KCNQ1: variants seen among roughly 807,000 people sequenced by gnomAD.
The protein encoded by KCNQ1 is potassium voltage-gated channel subfamily KQT member 1.
KCNQ1 carries 49 observed loss-of-function variants against 72.4 expected under a neutral mutation model. That is an observed-to-expected ratio of 0.68 (90% CI 0.54 to 0.86). The LOEUF is 0.86. Among genes scored for constraint, KCNQ1 ranks in the 40% least tolerant of loss-of-function variants. The pLI is 0.00. For missense variants in KCNQ1, 790 were observed against 945.1 expected (o/e 0.84, Z 2.15); for synonymous variants, 450 against 412.6 (o/e 1.09, Z -1.10).
At position 2,653,994 on chromosome 11, in the gene KCNQ1, G is replaced by A. The variant is rs1849797402; in HGVS notation, c.1394-7967G>A. 1 of 398,668 alleles carries A rather than the reference G, an allele frequency of 2.5e-6. No individual in the cohort carries two copies. The highest frequency in any genetic ancestry group is 4.4e-6 in the Non-Finnish European group (1 of 226,080). 24.7% of individuals were successfully genotyped at this position (398,668 alleles called of 1,614,324 possible). Reference sequence around the variant, plus strand: ...AAGGTATTTTCCTAAGCGGAACTGGGTGCCAGCTGTGAATATACATTTTCA... The same window carrying A: ...AAGGTATTTTCCTAAGCGGAACTGGATGCCAGCTGTGAATATACATTTTCA... On this transcript the variant is annotated intron_variant, in intron 10 of 15. Transcript: ENST00000155840. The surrounding 1 kb of genome is among the most constrained non-coding windows in gnomAD (Gnocchi z 5.3).
At chr11:2,792,363 G>T (rs1240079880) in intron 15 of KCNQ1, among the ~76,000 whole-genome samples, 7 of 152,214 alleles carry the variant, frequency 4.6e-5, no homozygotes, top group African/African-American at 1.4e-4. Flanking sequence ...TGGGGTGTGT[G>T]CCCACAAGTC....
chr11:2,540,046 G>T (rs1847798538), intron 2 of KCNQ1, among the ~76,000 whole-genome samples: 1 of 152,142 alleles, frequency 6.6e-6, no homozygotes, highest in South Asian at 2.1e-4. Context: ...TGCACGTGGG[G>T]CTCCTAGGGG....
At chr11:2,797,497 A>G (rs1457667900) in intron 15 of KCNQ1, among the ~76,000 whole-genome samples, 3 of 152,148 alleles carry the variant, frequency 2.0e-5, no homozygotes, top group Non-Finnish European at 2.9e-5. Context: ...AAAACCCCGC[A>G]GACTCCCGTG....
chr11:2,465,847 C>T lies in KCNQ1; in HGVS notation c.386+20363C>T, dbSNP rs374705989. On this transcript the variant is annotated intron_variant, in intron 1 of 15. Coordinates refer to ENST00000155840, the MANE Select transcript of KCNQ1 (RefSeq NM_000218.3). ...GCCTTGGTGGGCTCCAGCCATGCCT[C>T]CTGGAAGGCCATTTGGAGCCTGGCT... Among the ~76,000 whole-genome samples the T allele has an allele frequency of 3.3e-5, 5 of 152,332 alleles. No individual in the cohort carries two copies. The South Asian group carries it at 1.0e-3, about 32-fold the overall frequency.
rs1016803724 is a variant in KCNQ1 at position 2,446,990 on chromosome 11, G to C, written c.386+1506G>C. Among the ~76,000 whole-genome samples, 1 of 152,174 alleles carries C rather than the reference G, an allele frequency of 6.6e-6. No individual in the cohort carries two copies. The highest frequency in any genetic ancestry group is 6.5e-5 in the Admixed American group (1 of 15,280). Reference sequence around the variant, plus strand: ...GTGGCCACCTGCCTCCCGGACCCCAGACTCTCTGAGATGTCCAAGGGTGGG... The same window carrying C: ...GTGGCCACCTGCCTCCCGGACCCCACACTCTCTGAGATGTCCAAGGGTGGG... On this transcript the variant is annotated intron_variant, in intron 1 of 15. Transcript: ENST00000155840. The surrounding 1 kb of genome is among the most constrained non-coding windows in gnomAD (Gnocchi z 8.8).
At position 2,470,708 on chromosome 11, in the gene KCNQ1, G is replaced by GC. The variant is rs1275737552; in HGVS notation, c.386+25224_386+25225insC. Among the ~76,000 whole-genome samples the GC allele has an allele frequency of 3.6e-5, 5 of 137,818 alleles. No homozygotes were observed. In the South Asian group the frequency reaches 9.8e-4, roughly 27 times the overall value. 90.4% of individuals were successfully genotyped at this position (137,818 alleles called of 152,430 possible). A position where few individuals can be genotyped will look rare whatever the true frequency, so the allele number is the denominator to read the frequency against. ...GTGGGGATCCACTCAGTTAGGTGGG[G>GC]GGGGGGGTGCTTAGAATTTTATTTT... On this transcript the variant is annotated intron_variant, in intron 1 of 15. Coordinates refer to ENST00000155840, the MANE Select transcript of KCNQ1 (RefSeq NM_000218.3).
At chr11:2,476,768 C>A (rs993419918) in intron 1 of KCNQ1, among the ~76,000 whole-genome samples, 1 of 152,204 alleles carries the variant, frequency 6.6e-6, no homozygotes, top group Non-Finnish European at 1.5e-5. Context: ...CTTACAGCAA[C>A]GTCTACCTCC....
rs893189630 is a variant in KCNQ1, at chr11:2,526,346, TGGCAGGGACAGGGTGTCGGTGA to T, written c.387-1575_387-1554del. On this transcript the variant is annotated intron_variant, in intron 1 of 15. Coordinates refer to ENST00000155840, the MANE Select transcript of KCNQ1 (RefSeq NM_000218.3). The surrounding 1 kb of genome is among the most constrained non-coding windows in gnomAD (Gnocchi z 6.1). The stretch of plus-strand genomic sequence containing the variant: ...GCTCTGCAGGTAGAGCTGACCGGTG[TGGCAGGGACAGGGTGTCGGTGA>T]GGCAGGTGGCTGAGGAAATGGTAGC... 6.6e-6 allele frequency among the ~76,000 whole-genome samples: 1 copy of T among 151,618 alleles called. No individual in the cohort carries two copies. The highest frequency in any genetic ancestry group is 1.5e-5 in the Non-Finnish European group (1 of 67,894).
chr11:2,467,775 G>T (rs908856323), intron 1 of KCNQ1, among the ~76,000 whole-genome samples: 1 of 152,226 alleles, frequency 6.6e-6, no homozygotes, highest in Non-Finnish European at 1.5e-5. Context: ...GGACCCCTTT[G>T]CTCCCCTGAT....
chr11:2,832,703 G>GA (rs774736008), intron 15 of KCNQ1, among the ~76,000 whole-genome samples: 2 of 152,228 alleles, frequency 1.3e-5, no homozygotes, highest in Non-Finnish European at 2.9e-5. Flanking sequence ...CCTGTGTGGA[G>GA]AAGGTTGCTG....
At chr11:2,675,744 A>G in intron 11 of KCNQ1, 1 of 398,706 alleles carries the variant, frequency 2.5e-6, no homozygotes, top group Non-Finnish European at 4.4e-6. Flanking sequence ...ACAGAGTGAC[A>G]TGAACCAGAG....
intron 10 of KCNQ1, chr11:2,636,853 A>G (rs1413677963): frequency 1.3e-5 from 2 of 152,178 alleles, no homozygotes; most frequent in East Asian, 3.9e-4. Context: ...ATTATTGCCT[A>G]AATTTCAGAG....
At position 2,752,788 on chromosome 11, in the gene KCNQ1, C is replaced by T. The variant is rs1056991783; in HGVS notation, c.1515-16056C>T. 5.9e-5 allele frequency among the ~76,000 whole-genome samples: 9 copies of T among 152,308 alleles called. No individual in the cohort carries two copies. The South Asian group carries it at 1.9e-3, about 32-fold the overall frequency. On this transcript the variant is annotated intron_variant, in intron 11 of 15. Transcript: ENST00000155840. The surrounding 1 kb of genome is among the most constrained non-coding windows in gnomAD (Gnocchi z 5.2). Reference sequence around the variant, plus strand: ...CTTTGGGAAGACACACACATTCAGACTACAGCACCTTGCTCCTGGGGAAAC... The same window carrying T: ...CTTTGGGAAGACACACACATTCAGATTACAGCACCTTGCTCCTGGGGAAAC...
intron 11 of KCNQ1, among the ~76,000 whole-genome samples, chr11:2,727,395 A>G (rs1446042704): frequency 6.6e-6 from 1 of 152,226 alleles, no homozygotes; most frequent in African/African-American, 2.4e-5. Context: ...CCCAAGGATC[A>G]TTCCTGTGTG....
At position 2,458,547 on chromosome 11, in the gene KCNQ1, C is replaced by T. The variant is rs1308180753; in HGVS notation, c.386+13063C>T. On this transcript the variant is annotated intron_variant, in intron 1 of 15. Transcript: ENST00000155840. This position sits in a 1 kb window ranked among gnomAD's most constrained non-coding sequence, Gnocchi z 4.6. ...CTGGTGAGGTCAGGGATTCCGCATG[C>T]AGCGTCACAGCTGCCAACCTCTCCA... is the stretch of plus-strand genomic sequence containing the variant. Among the ~76,000 whole-genome samples, 2 of 152,244 alleles carry T rather than the reference C, an allele frequency of 1.3e-5. No homozygotes were observed.
At chr11:2,765,836 A>AT (rs1325523187) in intron 11 of KCNQ1, among the ~76,000 whole-genome samples, 3 of 152,134 alleles carry the variant, frequency 2.0e-5, no homozygotes, top group African/African-American at 4.8e-5. Flanking sequence ...GTATCGTTAT[A>AT]TTTTAAAGTG....
At chr11:2,761,603 A>G (rs1399002912) in intron 11 of KCNQ1, among the ~76,000 whole-genome samples, 1 of 152,116 alleles carries the variant, frequency 6.6e-6, no homozygotes, top group African/African-American at 2.4e-5. Flanking sequence ...TATCACTACC[A>G]GGAAAGGCCA....
chr11:2,802,866 C>G (rs1237350590), intron 15 of KCNQ1, among the ~76,000 whole-genome samples: 1 of 152,246 alleles, frequency 6.6e-6, no homozygotes, highest in East Asian at 1.9e-4. Context: ...CATTTCCCCA[C>G]TCAGAGTCCA....
chr11:2,699,524 C>T, intron 11 of KCNQ1: 8 of 355,526 alleles, frequency 2.3e-5, no homozygotes, highest in Non-Finnish European at 3.9e-5. Flanking sequence ...AGGAGAGTGC[C>T]GCGCTGAGGA....
Sources: gnomAD v4.1 joint callset for allele counts (sites outside exome capture counted in the v4.1 genomes callset) on GRCh38, gnomAD v4.1.1 for gene constraint, Gnocchi (gnomAD v3.1) non-coding constraint, MANE v1.5 for transcripts, NCBI Gene and HGNC (gene_info 2026-07-23, HGNC 2026-07-21) for gene names.